ANP32A: variants seen among roughly 807,000 people sequenced by gnomAD.
The protein encoded by ANP32A is acidic leucine-rich nuclear phosphoprotein 32 family member A.
In ANP32A, 1 loss-of-function variant was observed where a neutral mutation model predicts 33.9. The observed-to-expected ratio is 0.03, with a 90% CI of 0.01 to 0.14. The LOEUF is 0.14. Among genes scored for constraint, ANP32A ranks in the 10% least tolerant of loss-of-function variants. ANP32A has a pLI of 1.00. For synonymous variants in ANP32A, 115 were observed against 120.5 expected (o/e 0.95, Z 0.30); for missense variants, 155 against 306.0 (o/e 0.51, Z 3.68).
chr15:68,790,374 C>T (rs1893984487), intron 1 of ANP32A: 1 of 152,170 alleles, frequency 6.6e-6, no homozygotes. Flanking sequence ...CTGCCTGCCA[C>T]CCCTGCCCAC....
Position 68,780,309 on chromosome 15 carries a change from G to A in ANP32A, c.688+101C>T. The A allele has an allele frequency of 6.3e-7, 1 of 1,588,662 alleles. No individual in the cohort carries two copies. The highest frequency in any genetic ancestry group is 8.6e-7 in the Non-Finnish European group (1 of 1,168,080). On this transcript the variant is annotated intron_variant, in intron 6 of 6. Coordinates refer to ENST00000465139, the MANE Select transcript of ANP32A (RefSeq NM_006305.4). The surrounding 1 kb of genome is among the most constrained non-coding windows in gnomAD (Gnocchi z 4.3). ...AAGGGGAATCTGAGGCCTCTGACAG[G>A]AGTGTCCTGCCCACTGCCAGGGGCC...
chr15:68,817,885 GC>G (rs1894407469), intron 1 of ANP32A, among the ~76,000 whole-genome samples: 1 of 151,528 alleles, frequency 6.6e-6, no homozygotes, highest in Non-Finnish European at 1.5e-5. Flanking sequence ...CGCTCCCCCC[GC>G]CCCCCACAGC....
chr15:68,807,981 T>C (rs1567039296), intron 1 of ANP32A, among the ~76,000 whole-genome samples: 1 of 152,080 alleles, frequency 6.6e-6, no homozygotes, highest in Non-Finnish European at 1.5e-5. Flanking sequence ...AAATTCCAAG[T>C]GTGATGAGCA....
In ANP32A at chr15:68,779,508, G is replaced by A. The variant is rs1235670797; in HGVS notation, c.*573C>T. ...AAGCCCACCACCATCTGTGAAGGGGGAAAAGGGATGAGAGATGGGGAATGT... is the reference window on the plus strand; with the variant it reads ...AAGCCCACCACCATCTGTGAAGGGGAAAAAGGGATGAGAGATGGGGAATGT... On this transcript the variant is annotated 3_prime_UTR_variant, in exon 7 of 7. Transcript: ENST00000465139. 6.6e-6 allele frequency: 1 copy of A among 152,390 alleles called. No individual in the cohort carries two copies. The highest frequency in any genetic ancestry group is 1.9e-4 in the East Asian group (1 of 5,206). 9.4% of individuals were successfully genotyped at this position (152,390 alleles called of 1,614,324 possible).
At position 68,780,229 on chromosome 15, in the gene ANP32A, T is replaced by C. The variant is rs1893850201; in HGVS notation, c.689-87A>G. 1 of 1,583,416 alleles carries C rather than the reference T, an allele frequency of 6.3e-7. No homozygotes were observed. Among genetic ancestry groups the C allele is most frequent in the Non-Finnish European group, 8.6e-7 (1 of 1,161,516 alleles). ...ACCCAGTGAGAAGTCAGGGGACCCA[T>C]GACTAGCAAGCTGTGCCATCCTTGG... On this transcript the variant is annotated intron_variant, in intron 6 of 6. Transcript: ENST00000465139. The surrounding 1 kb of genome is among the most constrained non-coding windows in gnomAD (Gnocchi z 4.3).
Position 68,779,991 on chromosome 15 carries a change from CA to C in ANP32A, c.*89del, listed in dbSNP as rs1196908147. The C allele has an allele frequency of 5.4e-6, 6 of 1,109,376 alleles. No individual in the cohort carries two copies. The East Asian group carries it at 2.0e-4, about 37-fold the overall frequency. 68.7% of individuals were successfully genotyped at this position (1,109,376 alleles called of 1,614,324 possible). ...GTTACAATCAGAAAAAAATAAGTTT[CA>C]GGGGGCAGGATTGGAGGGGGGGGGG... On this transcript the variant is annotated 3_prime_UTR_variant, in exon 7 of 7. Coordinates refer to ENST00000465139, the MANE Select transcript of ANP32A (RefSeq NM_006305.4).
chr15:68,815,834 G>C (rs1048912289), intron 1 of ANP32A, among the ~76,000 whole-genome samples: 3 of 152,162 alleles, frequency 2.0e-5, no homozygotes, highest in African/African-American at 7.2e-5. Flanking sequence ...TGCACTGCTT[G>C]GCCTACCCTT....
At chr15:68,797,972 T>C (rs1894084940) in intron 1 of ANP32A, among the ~76,000 whole-genome samples, 1 of 152,232 alleles carries the variant, frequency 6.6e-6, no homozygotes, top group South Asian at 2.1e-4. Flanking sequence ...GAGAATAATC[T>C]AGATTACAGA....
chr15:68,800,342 T>C (rs1313655658), intron 1 of ANP32A, among the ~76,000 whole-genome samples: 8 of 150,926 alleles, frequency 5.3e-5, no homozygotes, highest in Admixed American at 4.6e-4. Flanking sequence ...TAAACAAAAC[T>C]AGGTGCCTGT....
intron 1 of ANP32A, among the ~76,000 whole-genome samples, chr15:68,801,491 C>A (rs1010202618): frequency 6.6e-6 from 1 of 152,054 alleles, no homozygotes; most frequent in Non-Finnish European, 1.5e-5. Flanking sequence ...CGAGTCCCTA[C>A]CAATCCCACC....
chr15:68,812,035 T>TG (rs34478744), intron 1 of ANP32A, among the ~76,000 whole-genome samples: 148,463 of 151,176 alleles, frequency 0.98, 72,915 homozygotes, highest in Non-Finnish European at 1. Context: ...GGCCCTAAGT[T>TG]GTTTTTTTTT....
At chr15:68,804,306 C>T (rs1894182747) in intron 1 of ANP32A, among the ~76,000 whole-genome samples, 1 of 151,986 alleles carries the variant, frequency 6.6e-6, no homozygotes, top group African/African-American at 2.4e-5. Flanking sequence ...GTTTTGTATC[C>T]AAGCACAGCT....
At chr15:68,793,518 C>T (rs1157809202) in intron 1 of ANP32A, among the ~76,000 whole-genome samples, 2 of 152,088 alleles carry the variant, frequency 1.3e-5, no homozygotes, top group African/African-American at 2.4e-5. Flanking sequence ...AAGCCAAGGT[C>T]GGGGTCCTTG....
intron 1 of ANP32A, among the ~76,000 whole-genome samples, chr15:68,805,742 G>A (rs553828301): frequency 6.6e-6 from 1 of 152,204 alleles, no homozygotes; most frequent in African/African-American, 2.4e-5. Flanking sequence ...AGGCACTTGA[G>A]TGCTCAAATG....
chr15:68,805,724 C>G (rs193020996), intron 1 of ANP32A, among the ~76,000 whole-genome samples: 2 of 152,300 alleles, frequency 1.3e-5, no homozygotes, highest in East Asian at 3.9e-4. Context: ...GGTCAGAAGT[C>G]CAGTGTAAGG....
In ANP32A at chr15:68,818,750, G is replaced by A. The variant is rs1315919591; in HGVS notation, c.54+1948C>T. ...CCCCGCACCCACCCGCGGCGACCCC[G>A]GCCCCGCGCTTGGCGCCCTTCCCCC... On this transcript the variant is annotated intron_variant, in intron 1 of 6. Transcript: ENST00000465139. Among the ~76,000 whole-genome samples, 5 of 150,292 alleles carry A rather than the reference G, an allele frequency of 3.3e-5. No individual in the cohort carries two copies. The South Asian group carries it at 6.5e-4, about 19-fold the overall frequency.
At chr15:68,798,912 T>C (rs1261451417) in intron 1 of ANP32A, among the ~76,000 whole-genome samples, 1 of 152,212 alleles carries the variant, frequency 6.6e-6, no homozygotes, top group African/African-American at 2.4e-5. Flanking sequence ...AGCCCTGTTG[T>C]CCAACCACCA....
chr15:68,802,015 A>C (rs1894143562), intron 1 of ANP32A: 1 of 152,976 alleles, frequency 6.5e-6, no homozygotes, highest in Non-Finnish European at 1.5e-5. Context: ...GGAAAAGTCC[A>C]TGAAAGCCTG....
chr15:68,784,114 T>C (rs191287314), intron 4 of ANP32A, among the ~76,000 whole-genome samples: 1 of 152,324 alleles, frequency 6.6e-6, no homozygotes, highest in East Asian at 1.9e-4. Flanking sequence ...GGAGTTATTA[T>C]GCAGTTGGAG....
Sources: allele counts gnomAD v4.1 joint callset (sites outside exome capture counted in the v4.1 genomes callset), GRCh38; gene constraint gnomAD v4.1.1; non-coding constraint Gnocchi (gnomAD v3.1); transcripts MANE v1.5; gene names NCBI Gene and HGNC (gene_info 2026-07-23, HGNC 2026-07-21).